EML6: variants seen among roughly 807,000 people sequenced by gnomAD.
The protein encoded by EML6 is echinoderm microtubule-associated protein-like 6.
A neutral mutation model predicts 240.1 loss-of-function variants in EML6; 154 were observed. The observed-to-expected ratio is 0.64, with a 90% confidence interval of 0.56 to 0.73. EML6 has a LOEUF of 0.73. Among genes scored for constraint, EML6 ranks in the 30% least tolerant of loss-of-function variants. The pLI is 0.00. For missense variants in EML6, 2,964 were observed against 2,474.6 expected, an observed-to-expected ratio of 1.20 and a Z score of -4.20; for synonymous variants, 1,148 against 899.0, an observed-to-expected ratio of 1.28 and a Z score of -4.95.
At chr2:54,744,727 T>C (rs1036389190) in intron 2 of EML6, among the ~76,000 whole-genome samples, 10 of 151,750 alleles carry the variant, frequency 6.6e-5, no homozygotes, top group African/African-American at 2.2e-4. Context: ...GATTGGGTTC[T>C]GGGGTGGGAG....
chr2:54,871,699 G>T, intron 16 of EML6, 94 bp downstream of exon 16: 2 of 873,180 alleles, frequency 2.3e-6, no homozygotes, highest in Non-Finnish European at 3.7e-6. Flanking sequence ...GCGTGTGTGT[G>T]TATTTAAACA....
intron 16 of EML6, among the ~76,000 whole-genome samples, chr2:54,871,962 C>G (rs1181638332): frequency 1.3e-5 from 2 of 152,206 alleles, no homozygotes; most frequent in African/African-American, 2.4e-5. Flanking sequence ...AAATGTCTGG[C>G]AGTGACTCAG....
rs1211899381 is a variant in EML6, at chr2:54,724,839, G to C, written c.-223G>C. On this transcript the variant is annotated 5_prime_UTR_variant, in exon 2 of 42. Coordinates refer to ENST00000356458, the MANE Select transcript of EML6 (RefSeq NM_001039753.4). This position sits in a 1 kb window ranked among gnomAD's most constrained non-coding sequence, Gnocchi z 5.2. The stretch of plus-strand genomic sequence containing the variant: ...CTTGCCCGGGTAGAGGGAGCCCGGC[G>C]CCCGGCGGGGTCTGGCGGCCGCACA... The C allele has an allele frequency of 5.9e-5, 11 of 186,624 alleles. No homozygotes were observed. Among genetic ancestry groups the C allele is most frequent in the Non-Finnish European group, 9.4e-5 (9 of 96,152 alleles). The allele number at this position is 186,624 out of a possible 1,614,324, so 11.6% of individuals were successfully genotyped here.
intron 3 of EML6, 130 bp from the exon 4 acceptor site, chr2:54,816,657 A>G (rs1668094555): frequency 1.5e-6 from 1 of 685,030 alleles, no homozygotes; most frequent in African/African-American, 1.8e-5. Flanking sequence ...GGGGTTTAAG[A>G]TGGGTTTTGA....
chr2:54,789,377 G>C (rs952210310), intron 2 of EML6, among the ~76,000 whole-genome samples: 2 of 151,342 alleles, frequency 1.3e-5, no homozygotes, highest in African/African-American at 2.4e-5. Context: ...AGCCGGGCGT[G>C]ATGGCGGGCG....
intron 2 of EML6, among the ~76,000 whole-genome samples, chr2:54,742,612 G>T (rs1009138567): frequency 6.6e-6 from 1 of 152,174 alleles, no homozygotes; most frequent in African/African-American, 2.4e-5. Context: ...TGTCCCGGAG[G>T]CTCTTTATGT....
chr2:54,817,327 T>A (rs1005539941), intron 4 of EML6, among the ~76,000 whole-genome samples: 1 of 152,246 alleles, frequency 6.6e-6, no homozygotes, highest in Non-Finnish European at 1.5e-5. Context: ...ACCTGCTTAC[T>A]CCTGTTGAAG....
At position 54,970,273 on chromosome 2, in the gene EML6, A is replaced by C; in HGVS notation, c.*178A>C. The C allele has an allele frequency of 1.5e-6, 1 of 651,500 alleles. No homozygotes were observed. Among genetic ancestry groups the C allele is most frequent in the South Asian group, 1.8e-5 (1 of 55,468 alleles). 40.4% of individuals were successfully genotyped at this position (651,500 alleles called of 1,614,324 possible). On this transcript the variant is annotated 3_prime_UTR_variant, in exon 42 of 42. Coordinates refer to ENST00000356458, the MANE Select transcript of EML6 (RefSeq NM_001039753.4). ...CTGCTCCCATAATCTGGACTCTCCA[A>C]AACCGTGATGCCACGAAGGAAGGTC... is the stretch of plus-strand genomic sequence containing the variant.
At chr2:54,901,517 G>T (rs1420258689) in intron 22 of EML6, among the ~76,000 whole-genome samples, 1 of 152,178 alleles carries the variant, frequency 6.6e-6, no homozygotes, top group Non-Finnish European at 1.5e-5. Context: ...AACAACTATT[G>T]ACCCATCTTA....
chr2:54,739,821 G>A (rs979944910), intron 2 of EML6, among the ~76,000 whole-genome samples: 5 of 152,240 alleles, frequency 3.3e-5, no homozygotes, highest in Non-Finnish European at 7.3e-5. Flanking sequence ...ATAATGGATT[G>A]GAGGAAACAA....
At chr2:54,792,585 G>A (rs1669512758) in intron 2 of EML6, among the ~76,000 whole-genome samples, 1 of 152,208 alleles carries the variant, frequency 6.6e-6, no homozygotes. Flanking sequence ...TTGCGTATCT[G>A]CATTACTGTG....
intron 24 of EML6, among the ~76,000 whole-genome samples, chr2:54,906,684 C>T (rs113634249): frequency 6.6e-5 from 10 of 152,172 alleles, no homozygotes; most frequent in African/African-American, 2.2e-4. Context: ...GGAGGAATTA[C>T]ACCATCTGGA....
At chr2:54,912,530 C>G (rs913443951) in intron 25 of EML6, among the ~76,000 whole-genome samples, 2 of 152,208 alleles carry the variant, frequency 1.3e-5, no homozygotes, top group Admixed American at 1.3e-4. Context: ...GAGCACAGTA[C>G]CTAGTAGATA....
intron 28 of EML6, among the ~76,000 whole-genome samples, chr2:54,937,649 A>G (rs1415365295): frequency 1.3e-5 from 2 of 149,834 alleles, no homozygotes; most frequent in African/African-American, 4.9e-5. Context: ...AGTTTACTTT[A>G]TAAATTATGG....
intron 2 of EML6, among the ~76,000 whole-genome samples, chr2:54,809,273 G>T (rs1670663422): frequency 6.6e-6 from 1 of 152,184 alleles, no homozygotes. Context: ...GAGATAAGTA[G>T]TGTCCATACT....
intron 26 of EML6, among the ~76,000 whole-genome samples, 166 bp from the exon 27 acceptor site, chr2:54,928,147 A>G (rs967186807): frequency 1.3e-5 from 2 of 152,316 alleles, no homozygotes; most frequent in South Asian, 4.1e-4. Flanking sequence ...TGTTTGAAGA[A>G]AAAAGAGACC....
intron 24 of EML6, among the ~76,000 whole-genome samples, chr2:54,910,556 C>T (rs1673584688): frequency 6.6e-6 from 1 of 152,210 alleles, no homozygotes. Flanking sequence ...TGTTTTATTT[C>T]TAATTGCCAT....
At chr2:54,739,473 A>C (rs937692124) in intron 2 of EML6, among the ~76,000 whole-genome samples, 4 of 152,240 alleles carry the variant, frequency 2.6e-5, no homozygotes. Flanking sequence ...AAATCTATAA[A>C]AGGGTACATG....
chr2:54,780,076 C>T (rs1199626503), intron 2 of EML6, among the ~76,000 whole-genome samples: 2 of 151,980 alleles, frequency 1.3e-5, no homozygotes, highest in Non-Finnish European at 2.9e-5. Flanking sequence ...CTACTATTCA[C>T]GGTTGTATAT....
Sources: allele counts gnomAD v4.1 joint callset (sites outside exome capture counted in the v4.1 genomes callset), GRCh38; gene constraint gnomAD v4.1.1; non-coding constraint Gnocchi (gnomAD v3.1); transcripts MANE v1.5; gene names NCBI Gene and HGNC (gene_info 2026-07-23, HGNC 2026-07-21).